The following FRMPD4 variants were observed in gnomAD, a reference collection of about 807,000 sequenced individuals.
FRMPD4 encodes FERM and PDZ domain containing 4, also known as FERM and PDZ domain-containing protein 4.
In FRMPD4, 22 loss-of-function variants were observed where a neutral mutation model predicts 94.1. That is an observed-to-expected ratio of 0.23 (90% confidence interval 0.17 to 0.33). The LOEUF (loss-of-function observed/expected upper bound fraction) is 0.33. Among genes scored for constraint, FRMPD4 ranks in the 10% least tolerant of loss-of-function variants. FRMPD4 has a pLI of 1.00. For missense variants in FRMPD4, 1,111 were observed against 1,339.9 expected (o/e 0.83, Z 2.67); for synonymous variants, 631 against 548.6 (o/e 1.15, Z -2.10).
At chrX:12,104,094 C>G (rs1422677649) in intron 3 of FRMPD4, among the ~76,000 whole-genome samples, 2 of 112,318 alleles carry the variant, frequency 1.8e-5, no homozygotes, top group Non-Finnish European at 3.8e-5. Flanking sequence ...GCGGGCCAAA[C>G]TTCATCCTTT....
intron 1 of FRMPD4, among the ~76,000 whole-genome samples, chrX:11,864,644 T>C (rs932177638): frequency 1.8e-5 from 2 of 111,590 alleles, no homozygotes; most frequent in Non-Finnish European, 3.8e-5. Context: ...TTCTGGTGAA[T>C]TGACGTCCTG....
intron 1 of FRMPD4, among the ~76,000 whole-genome samples, chrX:12,369,954 G>A (rs1034358171): frequency 8.0e-5 from 9 of 111,883 alleles, no homozygotes; most frequent in African/African-American, 1.9e-4. Flanking sequence ...CGTTTCATAC[G>A]TATATATGCT....
chrX:12,709,511 C>T (rs182777654), intron 13 of FRMPD4, among the ~76,000 whole-genome samples: 5 of 111,556 alleles, frequency 4.5e-5, no homozygotes, highest in Non-Finnish European at 9.4e-5. Context: ...TTTAGTGAGG[C>T]CTTTTCTCAA....
intron 1 of FRMPD4, among the ~76,000 whole-genome samples, chrX:12,385,124 G>A (rs1293269359): frequency 5.3e-5 from 6 of 112,157 alleles, no homozygotes; most frequent in African/African-American, 1.9e-4. Flanking sequence ...TTTCCCAATT[G>A]TAAGTCAAGG....
At chrX:12,615,892 G>C (rs2148426788) in intron 4 of FRMPD4, among the ~76,000 whole-genome samples, 1 of 110,828 alleles carries the variant, frequency 9.0e-6, no homozygotes, top group South Asian at 4.0e-4. Context: ...AGTATTTCTG[G>C]GGTCTTTCAG....
chrX:12,571,263 A>AT lies in FRMPD4; in HGVS notation c.159-38457dup, dbSNP rs2058758429. Among the ~76,000 whole-genome samples the AT allele has an allele frequency of 5.3e-5, 6 of 112,895 alleles. No individual in the cohort carries two copies. The Admixed American group carries it at 5.6e-4, about 11-fold the overall frequency. On this transcript the variant is annotated intron_variant, in intron 2 of 16. Transcript: ENST00000675598. ...ATTCTTATTAACTCACATATAAAAC[A>AT]TATTATGGTATTTGCAGCTAGGTGT...
At chrX:12,705,669 T>C (rs1418342289) in intron 11 of FRMPD4, among the ~76,000 whole-genome samples, 3 of 111,240 alleles carry the variant, frequency 2.7e-5, no homozygotes, top group African/African-American at 9.8e-5. Flanking sequence ...TGGGTCAAGT[T>C]CTTTTTAACT....
intron 3 of FRMPD4, among the ~76,000 whole-genome samples, chrX:11,899,749 T>C (rs1018274324): frequency 9.8e-5 from 11 of 112,119 alleles, no homozygotes; most frequent in Non-Finnish European, 1.9e-4. Context: ...GCCATCAGTC[T>C]AGCATCATAC....
chrX:12,460,782 C>T (rs1287567637), intron 1 of FRMPD4, among the ~76,000 whole-genome samples: 5 of 111,265 alleles, frequency 4.5e-5, no homozygotes, highest in Non-Finnish European at 9.4e-5. Context: ...TGAATGTAGA[C>T]CCTCAAAATG....
At chrX:12,049,870 TA>T (rs754737347) in intron 3 of FRMPD4, among the ~76,000 whole-genome samples, 1 of 110,924 alleles carries the variant, frequency 9.0e-6, no homozygotes, top group Non-Finnish European at 1.9e-5. Context: ...TCATTTTTAA[TA>T]AAAAAAGTTT....
At chrX:11,941,844 C>A (rs999440883) in intron 3 of FRMPD4, among the ~76,000 whole-genome samples, 1 of 111,942 alleles carries the variant, frequency 8.9e-6, no homozygotes, top group Non-Finnish European at 1.9e-5. Context: ...CATGAGGTCT[C>A]CTTCCTCCCA....
intron 1 of FRMPD4, among the ~76,000 whole-genome samples, chrX:12,334,896 G>T (rs2055492429): frequency 9.0e-6 from 1 of 110,748 alleles, no homozygotes; most frequent in Non-Finnish European, 1.9e-5. Context: ...GCCAGGTATT[G>T]TTCTGAGCTC....
intron 2 of FRMPD4, among the ~76,000 whole-genome samples, chrX:12,511,359 T>C (rs2148249818): frequency 9.0e-6 from 1 of 111,690 alleles, no homozygotes; most frequent in South Asian, 3.7e-4. Context: ...ACATGCTCAA[T>C]GAACTAAAAT....
At chrX:12,198,596 T>C in intron 1 of FRMPD4, among the ~76,000 whole-genome samples, 1 of 111,800 alleles carries the variant, frequency 8.9e-6, no homozygotes, top group East Asian at 2.8e-4. Context: ...CCATTTTACA[T>C]CATTCTTCAT....
intron 1 of FRMPD4, among the ~76,000 whole-genome samples, chrX:12,181,275 A>T: frequency 8.9e-6 from 1 of 112,020 alleles, no homozygotes. Context: ...ATAATTCTAG[A>T]TATTAGAAAT....
intron 3 of FRMPD4, among the ~76,000 whole-genome samples, chrX:12,057,104 G>A (rs1270041374): frequency 9.0e-6 from 1 of 111,624 alleles, no homozygotes; most frequent in East Asian, 2.8e-4. Context: ...ATAAAGATAG[G>A]CATTTATTTT....
At chrX:11,989,824 A>T (rs1169591580) in intron 3 of FRMPD4, among the ~76,000 whole-genome samples, 2 of 111,652 alleles carry the variant, frequency 1.8e-5, no homozygotes, top group East Asian at 2.8e-4. Flanking sequence ...GTTGATGAGG[A>T]TGTAGAGAAA....
intron 1 of FRMPD4, among the ~76,000 whole-genome samples, chrX:12,158,605 A>G (rs2055973774): frequency 8.9e-6 from 1 of 112,182 alleles, no homozygotes; most frequent in Admixed American, 9.4e-5. Flanking sequence ...TTTGAACATA[A>G]TATCAATGGA....
chrX:12,254,091 G>T (rs895117444), intron 1 of FRMPD4, among the ~76,000 whole-genome samples: 2 of 111,793 alleles, frequency 1.8e-5, no homozygotes, highest in Admixed American at 9.5e-5. Context: ...GGCAAAAGTG[G>T]CTGTAGTTAG....
Sources: gnomAD v4.1 joint callset for allele counts (sites outside exome capture counted in the v4.1 genomes callset) on GRCh38, gnomAD v4.1.1 for gene constraint, MANE v1.5 for transcripts, NCBI Gene and HGNC (gene_info 2026-07-23, HGNC 2026-07-21) for gene names.